Variants in FAM227B observed in about 807,000 individuals in gnomAD.
FAM227B encodes the protein family with sequence similarity 227 member B.
A neutral mutation model predicts 73.8 loss-of-function variants in FAM227B; 88 were observed. That is an observed-to-expected ratio of 1.19 (90% confidence interval 1.00 to 1.42). The LOEUF (loss-of-function observed/expected upper bound fraction) is 1.42, where lower values mean the gene tolerates loss of function less well. Among genes scored for constraint, FAM227B ranks in the 40% most tolerant of loss-of-function variants. The pLI, the probability that FAM227B is intolerant of heterozygous loss-of-function variation, is 0.00. For synonymous variants in FAM227B, 210 were observed against 190.5 expected (o/e 1.10, Z -0.84); for missense variants, 632 against 590.9 (o/e 1.07, Z -0.72).
chr15:49,369,404 T>G (rs988857476), intron 12 of FAM227B, among the ~76,000 whole-genome samples: 9 of 152,148 alleles, frequency 5.9e-5, no homozygotes, highest in African/African-American at 2.2e-4. Context: ...CAGAGCACTT[T>G]AAGATTCCAT....
chr15:49,329,267 G>GC, intron 15 of FAM227B: 2 of 985,428 alleles, frequency 2.0e-6, no homozygotes, highest in Non-Finnish European at 2.4e-6. Context: ...GAAATGTTTG[G>GC]CTGGTGATGG....
At chr15:49,360,004 C>T (rs1005530464) in intron 13 of FAM227B, among the ~76,000 whole-genome samples, 1 of 147,200 alleles carries the variant, frequency 6.8e-6, no homozygotes, top group Non-Finnish European at 1.5e-5. Context: ...AAACCAAACA[C>T]CGCATATTCT....
At chr15:49,573,304 C>A in intron 8 of FAM227B, among the ~76,000 whole-genome samples, 1 of 151,966 alleles carries the variant, frequency 6.6e-6, no homozygotes, top group East Asian at 1.9e-4. Context: ...GACTTAAATT[C>A]TTATAAACTT....
At chr15:49,574,050 T>C (rs1319985728) in intron 8 of FAM227B, among the ~76,000 whole-genome samples, 1 of 152,166 alleles carries the variant, frequency 6.6e-6, no homozygotes, top group Non-Finnish European at 1.5e-5. Flanking sequence ...CAACATTGCT[T>C]TGAAATCTAC....
At position 49,615,130 on chromosome 15, in the gene FAM227B, A is replaced by T. The variant is rs778598166; in HGVS notation, c.42T>A (p.Ala14=). ...GTGGAAGCTTCCTTACCCCGGGGCC[A>T]GCTCTGCTGCTCCTCCTTTGACATG... The part of the protein sequence containing the change: ...QRTCQRRSSR[A]GPGKMQEPPK... The change falls in exon 2 of 16, where the codon GCT becomes GCA. Residue 14 remains alanine, a synonymous_variant. Coordinates refer to ENST00000299338, the MANE Select transcript of FAM227B (RefSeq NM_152647.3). 6.2e-7 allele frequency: 1 copy of T among 1,614,036 alleles called. No individual in the cohort carries two copies. The highest frequency in any genetic ancestry group is 1.1e-5 in the South Asian group (1 of 91,084).
intron 11 of FAM227B, among the ~76,000 whole-genome samples, chr15:49,384,973 A>G (rs904893303): frequency 6.6e-6 from 1 of 151,894 alleles, no homozygotes; most frequent in African/African-American, 2.4e-5. Context: ...AAACATTTCA[A>G]TTATATTCAA....
chr15:49,545,873 T>C (rs1194155923), intron 9 of FAM227B, among the ~76,000 whole-genome samples: 2 of 152,024 alleles, frequency 1.3e-5, no homozygotes, highest in African/African-American at 4.8e-5. Context: ...ATAATTTTGA[T>C]TTTCTTAAAT....
At chr15:49,420,217 T>C (rs2049504279) in intron 11 of FAM227B, among the ~76,000 whole-genome samples, 1 of 152,178 alleles carries the variant, frequency 6.6e-6, no homozygotes, top group African/African-American at 2.4e-5. Flanking sequence ...ATGACATATT[T>C]TGTCTTTATT....
At chr15:49,544,812 T>A (rs1319526465) in intron 9 of FAM227B, among the ~76,000 whole-genome samples, 1 of 152,174 alleles carries the variant, frequency 6.6e-6, no homozygotes, top group African/African-American at 2.4e-5. Context: ...TATTGACATA[T>A]TGATGGTATG....
At chr15:49,583,201 G>T (rs1598377316) in intron 5 of FAM227B, among the ~76,000 whole-genome samples, 1 of 142,916 alleles carries the variant, frequency 7.0e-6, no homozygotes, top group Admixed American at 6.9e-5. Flanking sequence ...TCCCGTATTT[G>T]TTTTTTTTTT....
chr15:49,561,231 G>C (rs1006731399), intron 9 of FAM227B, among the ~76,000 whole-genome samples: 1 of 152,044 alleles, frequency 6.6e-6, no homozygotes, highest in African/African-American at 2.4e-5. Context: ...ATTCTTATAA[G>C]ATAAAACAGA....
chr15:49,612,681 G>C (rs921352936), intron 2 of FAM227B, among the ~76,000 whole-genome samples: 6 of 152,054 alleles, frequency 3.9e-5, no homozygotes, highest in African/African-American at 1.2e-4. Flanking sequence ...TAATATCCAT[G>C]ATGATATCAC....
intron 10 of FAM227B, among the ~76,000 whole-genome samples, chr15:49,512,200 A>C (rs2059053447): frequency 6.6e-6 from 1 of 152,184 alleles, no homozygotes; most frequent in South Asian, 2.1e-4. Context: ...CATTGCATTC[A>C]ATGAATGATT....
rs565296456 is a variant in FAM227B, at chr15:49,590,470, C to T, written c.106-463G>A. Reference sequence around the variant, plus strand: ...GGTCCCTTTCAGTCTACGACAGTTCCATAATATCTGTGGGGAAGGGAAGGG... The same window carrying T: ...GGTCCCTTTCAGTCTACGACAGTTCTATAATATCTGTGGGGAAGGGAAGGG... On this transcript the variant is annotated intron_variant, in intron 3 of 15. Coordinates refer to ENST00000299338, the MANE Select transcript of FAM227B (RefSeq NM_152647.3). Among the ~76,000 whole-genome samples, 29 of 152,174 alleles carry T rather than the reference C, an allele frequency of 1.9e-4. No homozygotes were observed. The South Asian group carries it at 5.8e-3, about 31-fold the overall frequency.
intron 13 of FAM227B, among the ~76,000 whole-genome samples, chr15:49,359,020 A>G (rs2043699602): frequency 6.6e-6 from 1 of 152,064 alleles, no homozygotes; most frequent in Non-Finnish European, 1.5e-5. Context: ...GGTGCTGGGA[A>G]AACTGGCTAG....
chr15:49,451,174 T>C (rs192425922), intron 11 of FAM227B, among the ~76,000 whole-genome samples: 3 of 152,242 alleles, frequency 2.0e-5, no homozygotes, highest in Admixed American at 2.0e-4. Flanking sequence ...AGAATATGGA[T>C]ACTTACATAT....
chr15:49,500,175 A>T (rs2058023419), intron 11 of FAM227B, among the ~76,000 whole-genome samples: 1 of 152,230 alleles, frequency 6.6e-6, no homozygotes, highest in Non-Finnish European at 1.5e-5. Context: ...ACTGTATTCC[A>T]GCCTGGGTGA....
At chr15:49,434,346 C>T (rs1007932048) in intron 11 of FAM227B, 1 of 151,118 alleles carries the variant, frequency 6.6e-6, no homozygotes, top group African/African-American at 2.4e-5. Context: ...ACTAAGAATG[C>T]AATAGTAAGC....
At chr15:49,382,268 T>A (rs2046587620) in intron 11 of FAM227B, among the ~76,000 whole-genome samples, 1 of 152,016 alleles carries the variant, frequency 6.6e-6, no homozygotes, top group Non-Finnish European at 1.5e-5. Flanking sequence ...AATAATATGG[T>A]GTGGACATAA....
Sources: allele counts gnomAD v4.1 joint callset (sites outside exome capture counted in the v4.1 genomes callset), GRCh38; gene constraint gnomAD v4.1.1; transcripts MANE v1.5; gene names NCBI Gene and HGNC (gene_info 2026-07-23, HGNC 2026-07-21).